The following ANAPC1 variants were observed in gnomAD, a reference collection of about 807,000 sequenced individuals.
The protein encoded by ANAPC1 is anaphase-promoting complex subunit 1.
In ANAPC1, 36 loss-of-function variants were observed where a neutral mutation model predicts 208.0. That is an observed-to-expected ratio of 0.17 (90% CI 0.13 to 0.23). The LOEUF is 0.23. ANAPC1 is among the 10% of genes least tolerant of loss of function. ANAPC1 has a pLI of 1.00. For synonymous variants in ANAPC1, 378 were observed against 695.2 expected, an observed-to-expected ratio of 0.54 and a Z score of 7.18; for missense variants, 942 against 2,011.6, an observed-to-expected ratio of 0.47 and a Z score of 10.17.
At chr2:111,837,697 A>C (rs1680545007) in intron 18 of ANAPC1, among the ~76,000 whole-genome samples, 1 of 152,156 alleles carries the variant, frequency 6.6e-6, no homozygotes, top group African/African-American at 2.4e-5. Flanking sequence ...ATGAGTGTGC[A>C]TATATTAAAA....
rs908553180 is a variant in ANAPC1, at chr2:111,832,937, CA to C, written c.2476+282del. ...TGGGTGACAGAGCGAGACTCAGTCT[CA>C]AAAAAAAAAAAAAAAAAAGCATCCT... On this transcript the variant is annotated intron_variant, in intron 20 of 47. Coordinates refer to ENST00000341068, the MANE Select transcript of ANAPC1 (RefSeq NM_022662.4). 9.1e-4 allele frequency among the ~76,000 whole-genome samples: 49 copies of C among 53,628 alleles called. 2 individuals are homozygous for C. Among genetic ancestry groups the C allele is most frequent in the African/African-American group, 1.4e-3 (22 of 15,600 alleles). 35.2% of individuals were successfully genotyped at this position (53,628 alleles called of 152,430 possible). A position where few individuals can be genotyped will look rare whatever the true frequency, so the allele number is the denominator to read the frequency against.
Position 111,823,000 on chromosome 2 carries a change from C to CTT in ANAPC1, c.2813-402_2813-401dup, listed in dbSNP as rs58815496. On this transcript the variant is annotated intron_variant, in intron 24 of 47. Transcript: ENST00000341068. ...TAGAGCAATAATAATTCTTTTTATTCTTTTTTTTTTTTTTTTTTTTTTTTT... is the reference window on the plus strand; with the variant it reads ...TAGAGCAATAATAATTCTTTTTATTCTTTTTTTTTTTTTTTTTTTTTTTTTTT... Among the ~76,000 whole-genome samples, 82 of 61,304 alleles carry CTT rather than the reference C, an allele frequency of 1.3e-3. 3 individuals carry two copies. The highest frequency in any genetic ancestry group is 4.0e-3 in the African/African-American group (57 of 14,086). 40.2% of individuals were successfully genotyped at this position (61,304 alleles called of 152,430 possible). A position where few individuals can be genotyped will look rare whatever the true frequency, so the allele number is the denominator to read the frequency against.
intron 29 of ANAPC1, among the ~76,000 whole-genome samples, chr2:111,807,751 A>G (rs1215820143): frequency 1.3e-5 from 2 of 152,054 alleles, no homozygotes; most frequent in Non-Finnish European, 2.9e-5. Context: ...GCATATACAT[A>G]TGAATTAAAG....
chr2:111,795,105 C>T, intron 34 of ANAPC1: 2 of 387,462 alleles, frequency 5.2e-6, no homozygotes, highest in South Asian at 2.6e-5. Flanking sequence ...TAATTAAGGG[C>T]AGGCATGGTG....
intron 5 of ANAPC1, 93 bp downstream of exon 5, chr2:111,873,215 A>G (rs1426887330): frequency 1.5e-5 from 18 of 1,219,318 alleles, no homozygotes; most frequent in Non-Finnish European, 1.2e-5. Context: ...TTTGACTACT[A>G]CGAAACATGA....
chr2:111,828,223 T>A (rs1679941525), intron 21 of ANAPC1, among the ~76,000 whole-genome samples: 1 of 152,114 alleles, frequency 6.6e-6, no homozygotes, highest in South Asian at 2.1e-4. Context: ...AACAATGAGA[T>A]ATCACTTCAT....
chr2:111,848,742 A>C (rs1681228924), intron 14 of ANAPC1, among the ~76,000 whole-genome samples: 1 of 149,988 alleles, frequency 6.7e-6, no homozygotes, highest in Non-Finnish European at 1.5e-5. Context: ...GCCCCACTGT[A>C]CTCCAGCCTA....
rs1400579433 is a variant in ANAPC1, at chr2:111,831,285, C to A, written c.2625+1G>T. ...TAGGTAGTAACACTCCACATACATA[C>A]CAAGACTACAAGTCTGCTTCTTTCA... On this transcript the variant is annotated splice_donor_variant, in intron 21 of 47. Coordinates refer to ENST00000341068, the MANE Select transcript of ANAPC1 (RefSeq NM_022662.4). LOFTEE classifies it high-confidence loss of function. 6.2e-7 allele frequency: 1 copy of A among 1,603,858 alleles called. No homozygotes were observed. Among genetic ancestry groups the A allele is most frequent in the South Asian group, 1.1e-5 (1 of 89,078 alleles).
chr2:111,870,088 T>C (rs551987994), intron 6 of ANAPC1, among the ~76,000 whole-genome samples: 9 of 152,376 alleles, frequency 5.9e-5, no homozygotes, highest in Admixed American at 5.2e-4. Context: ...CCATGGTGTA[T>C]ATATACATTT....
intron 20 of ANAPC1, 53 bp downstream of exon 20, chr2:111,833,167 C>G (rs1573419840): frequency 6.5e-7 from 1 of 1,529,390 alleles, no homozygotes; most frequent in Non-Finnish European, 8.9e-7. Context: ...GAGAAAGATA[C>G]AAGGAAATAT....
At chr2:111,858,772 A>G (rs1166422166) in intron 10 of ANAPC1, among the ~76,000 whole-genome samples, 1 of 151,746 alleles carries the variant, frequency 6.6e-6, no homozygotes, top group African/African-American at 2.4e-5. Flanking sequence ...AAAAAGAAAA[A>G]AAAAAAAAAA....
chr2:111,801,850 C>T (rs1401446639), intron 33 of ANAPC1, among the ~76,000 whole-genome samples: 1 of 150,552 alleles, frequency 6.6e-6, no homozygotes, highest in Non-Finnish European at 1.5e-5. Flanking sequence ...AGGAAAGAAT[C>T]ATAGCTCTAT....
chr2:111,843,983 C>T (rs1403502559), intron 16 of ANAPC1, among the ~76,000 whole-genome samples: 1 of 151,894 alleles, frequency 6.6e-6, no homozygotes, highest in Non-Finnish European at 1.5e-5. Context: ...GCCACTGCCC[C>T]AGGCTAATTT....
chr2:111,832,937 C>CAAAAAAAAAAAAAA (rs908553180), intron 20 of ANAPC1, among the ~76,000 whole-genome samples: 745 of 53,458 alleles, frequency 0.014, 114 homozygotes, highest in Admixed American at 0.03. Context: ...GACTCAGTCT[C>CAAAAAAAAAAAAAA]AAAAAAAAAA....
intron 46 of ANAPC1, among the ~76,000 whole-genome samples, chr2:111,773,543 C>A (rs898216720): frequency 1.4e-4 from 21 of 152,072 alleles, no homozygotes; most frequent in Admixed American, 1.4e-3. Flanking sequence ...CAAACAAAGG[C>A]ATTTTGATAC....
rs1434290731 is a variant in ANAPC1, at chr2:111,850,820, T to C, written c.1606A>G (p.Ser536Gly). The C allele has an allele frequency of 6.2e-7, 1 of 1,611,912 alleles. No homozygotes were observed. The highest frequency in any genetic ancestry group is 2.2e-5 in the East Asian group (1 of 44,886). The part of the protein sequence containing the change: ...PRPSTPLDGV[S>G]TPKPLSKLLG... ...AGTTTACTAAGAGGCTTTGGAGTAC[T>C]AACGCCATCTAGTGGAGTACTGGGC... The change falls in exon 14 of 48, where the codon AGT becomes GGT. Residue 536 changes from serine to glycine, a missense_variant. Ser to Gly is a moderately conservative substitution (Grantham distance 56, BLOSUM62 0). Coordinates refer to ENST00000341068, the MANE Select transcript of ANAPC1 (RefSeq NM_022662.4).
intron 16 of ANAPC1, among the ~76,000 whole-genome samples, chr2:111,843,820 C>CCTTTTTTTT (rs770441848): frequency 2.3e-5 from 2 of 86,828 alleles, no homozygotes; most frequent in African/African-American, 9.3e-5. Flanking sequence ...CTGAAGACAG[C>CCTTTTTTTT]TTTTTTTTTT....
intron 39 of ANAPC1, among the ~76,000 whole-genome samples, chr2:111,785,708 G>T (rs1353748449): frequency 6.6e-6 from 1 of 152,020 alleles, no homozygotes; most frequent in Non-Finnish European, 1.5e-5. Flanking sequence ...AGTCTTCACA[G>T]TGAAGAGGTT....
rs765581526 is a variant in ANAPC1, at chr2:111,850,823, C to T, written c.1603G>A (p.Val535Ile). The T allele has an allele frequency of 5.0e-6, 8 of 1,611,814 alleles. No homozygotes were observed. The highest frequency in any genetic ancestry group is 2.2e-5 in the East Asian group (1 of 44,886). ...MPRPSTPLDGVSTPKPLSKLL... is the reference protein window; with the variant it reads ...MPRPSTPLDGISTPKPLSKLL... The stretch of plus-strand genomic sequence containing the variant: ...TTACTAAGAGGCTTTGGAGTACTAA[C>T]GCCATCTAGTGGAGTACTGGGCCGA... The change falls in exon 14 of 48, where the codon GTT (valine) becomes ATT (isoleucine). Residue 535 changes from valine to isoleucine, a missense_variant. Val to Ile is a conservative substitution (Grantham distance 29). Coordinates refer to ENST00000341068, the MANE Select transcript of ANAPC1 (RefSeq NM_022662.4).
Sources: gnomAD v4.1 joint callset for allele counts (sites outside exome capture counted in the v4.1 genomes callset) on GRCh38, gnomAD v4.1.1 for gene constraint, MANE v1.5 for transcripts, NCBI Gene and HGNC (gene_info 2026-07-23, HGNC 2026-07-21) for gene names.